The following GPR155 variants were observed in gnomAD, a reference collection of about 807,000 sequenced individuals.
The protein encoded by GPR155 is lysosomal cholesterol signaling protein.
A neutral mutation model predicts 93.1 loss-of-function variants in GPR155; 65 were observed. The observed-to-expected ratio is 0.70, with a 90% confidence interval of 0.57 to 0.86. The LOEUF (loss-of-function observed/expected upper bound fraction) is 0.86. Among genes scored for constraint, GPR155 ranks in the 40% least tolerant of loss-of-function variants. The pLI, the probability that GPR155 is intolerant of heterozygous loss-of-function variation, is 0.00. For missense variants in GPR155, 838 were observed against 1,034.8 expected, an observed-to-expected ratio of 0.81 and a Z score of 2.61; for synonymous variants, 319 against 360.1, an observed-to-expected ratio of 0.89 and a Z score of 1.29.
intron 1 of GPR155, among the ~76,000 whole-genome samples, chr2:174,483,363 A>C (rs1369276003): frequency 6.6e-6 from 1 of 152,186 alleles, no homozygotes. Flanking sequence ...AATATGTCTA[A>C]AGGTGTTCAT....
intron 10 of GPR155, among the ~76,000 whole-genome samples, chr2:174,455,127 A>G (rs1687476037): frequency 6.6e-6 from 1 of 152,190 alleles, no homozygotes; most frequent in South Asian, 2.1e-4. Context: ...CCCTGATTTG[A>G]TCATTACACA....
Position 174,436,042 on chromosome 2 carries a change from C to T in GPR155, c.*74G>A. On this transcript the variant is annotated 3_prime_UTR_variant, in exon 16 of 16. Transcript: ENST00000392552. ...GAGAGGTTGCCTCTGTTAACTTGCC[C>T]AAGGTCACCCAGCTAAAAACTAATG... is the stretch of plus-strand genomic sequence containing the variant. The T allele has an allele frequency of 1.5e-6, 2 of 1,318,318 alleles. No homozygotes were observed. Among genetic ancestry groups the T allele is most frequent in the Non-Finnish European group, 2.1e-6 (2 of 939,182 alleles). The allele number at this position is 1,318,318 out of a possible 1,614,324, so 81.7% of individuals were successfully genotyped here.
rs563354518 is a variant in GPR155, at chr2:174,437,811, C to T, written c.2313-1395G>A. On this transcript the variant is annotated intron_variant, in intron 15 of 15. Transcript: ENST00000392552. ...GTTGGTCAGGCTGGTCTCGAACTCC[C>T]GACCTCAGGTGATCTGCCCACCTCA... Among the ~76,000 whole-genome samples the T allele has an allele frequency of 2.5e-4, 38 of 151,260 alleles. No individual in the cohort carries two copies. In the East Asian group the frequency reaches 3.4e-3, roughly 13 times the overall value.
Position 174,433,160 on chromosome 2 carries a change from CACTT to C in GPR155, c.*2952_*2955del, listed in dbSNP as rs1686685741. On this transcript the variant is annotated 3_prime_UTR_variant, in exon 16 of 16. Coordinates refer to ENST00000392552, the MANE Select transcript of GPR155 (RefSeq NM_152529.7). ...TTATAAATAACTTTTTTACATGAGA[CACTT>C]AAAGTATAATTAAATAAATATCTGA... 1 of 152,108 alleles carries C rather than the reference CACTT, an allele frequency of 6.6e-6. No homozygotes were observed. The highest frequency in any genetic ancestry group is 6.5e-5 in the Admixed American group (1 of 15,270). The allele number at this position is 152,108 out of a possible 1,614,324, so 9.4% of individuals were successfully genotyped here. A position where few individuals can be genotyped will look rare whatever the true frequency, so the allele number is the denominator to read the frequency against.
chr2:174,440,867 C>A (rs979800519), intron 14 of GPR155, among the ~76,000 whole-genome samples: 1 of 152,094 alleles, frequency 6.6e-6, no homozygotes, highest in African/African-American at 2.4e-5. Context: ...GATAAAAAAA[C>A]CAACAATTTA....
At chr2:174,447,398 T>TTTA (rs1346075719) in intron 11 of GPR155, among the ~76,000 whole-genome samples, 1 of 146,590 alleles carries the variant, frequency 6.8e-6, no homozygotes, top group African/African-American at 2.5e-5. Context: ...ATATATAATT[T>TTTA]TTATTTTATA....
rs373610456 is a variant in GPR155 at position 174,459,933 on chromosome 2, C to G, written c.1716G>C (p.Glu572Asp). 1 of 1,614,104 alleles carries G rather than the reference C, an allele frequency of 6.2e-7. No homozygotes were observed. Among genetic ancestry groups the G allele is most frequent in the Non-Finnish European group, 8.5e-7 (1 of 1,179,972 alleles). Residue 572 changes from glutamate to aspartate, a missense_variant, in exon 10 of 16, where the codon GAG becomes GAC. Coordinates refer to ENST00000392552, the MANE Select transcript of GPR155 (RefSeq NM_152529.7). ...CTGGTTCATTTACTGGTGCTGGACT[C>G]TCCTCAAAAGCAGTATTTCCAGGCT... ...VVEPGNTAFE[E>D]SPAPVNEPEL... is the part of the protein sequence containing the mutation.
At chr2:174,455,979 T>C (rs908007517) in intron 10 of GPR155, among the ~76,000 whole-genome samples, 1 of 152,132 alleles carries the variant, frequency 6.6e-6, no homozygotes, top group Non-Finnish European at 1.5e-5. Flanking sequence ...TAGCTGGGTC[T>C]ACAGGCGTCT....
chr2:174,453,873 G>T, intron 10 of GPR155, 32 bp from the exon 11 acceptor site: 6 of 1,395,190 alleles, frequency 4.3e-6, no homozygotes, highest in Non-Finnish European at 5.1e-6. Flanking sequence ...TGAGAGTAGA[G>T]CCCAACCACA....
In GPR155 at chr2:174,469,163, A is replaced by G. The variant is rs1687923159; in HGVS notation, c.1027-96T>C. ...GGCACACTAAAGCATTCTAAAATAA[A>G]AATGAGACACAGTAAAGACATTATA... On this transcript the variant is annotated intron_variant, in intron 4 of 15. Transcript: ENST00000392552. 4.0e-6 allele frequency: 4 copies of G among 1,007,482 alleles called. No individual in the cohort carries two copies. In the South Asian group the frequency reaches 6.1e-5, roughly 15 times the overall value. 62.4% of individuals were successfully genotyped at this position (1,007,482 alleles called of 1,614,324 possible).
intron 11 of GPR155, among the ~76,000 whole-genome samples, chr2:174,447,433 C>A (rs62175264): frequency 0.23 from 33,338 of 143,276 alleles, 5,242 homozygotes; most frequent in East Asian, 0.68. Flanking sequence ...ATAATATATA[C>A]ACATTACATA....
At position 174,481,611 on chromosome 2, in the gene GPR155, T is replaced by C; in HGVS notation, c.346A>G (p.Ile116Val). 9 of 1,613,474 alleles carry C rather than the reference T, an allele frequency of 5.6e-6. No individual in the cohort carries two copies. The highest frequency in any genetic ancestry group is 7.6e-6 in the Non-Finnish European group (9 of 1,179,540). ...ILIAKASVFF[I>V]VCVLTLLVAS... The stretch of plus-strand genomic sequence containing the variant: ...ACCAATAAGGTTAATACACATACAA[T>C]GAAAAATACAGAAGCTTTGGCAATT... Residue 116 changes from isoleucine to valine, a missense_variant, in exon 2 of 16, where the codon ATT becomes GTT. Around this residue, in one of 3 missense-constraint regions of GPR155, gnomAD observed 663 missense variants for 790.1 expected, o/e 0.84. Coordinates refer to ENST00000392552, the MANE Select transcript of GPR155 (RefSeq NM_152529.7).
intron 14 of GPR155, among the ~76,000 whole-genome samples, chr2:174,441,397 TTAAAA>T (rs1686954374): frequency 6.6e-6 from 1 of 151,392 alleles, no homozygotes; most frequent in African/African-American, 2.4e-5. Flanking sequence ...ACCAATCAAA[TTAAAA>T]TATATATATA....
rs1384984101 is a variant in GPR155, at chr2:174,432,110, T to C, written c.*4006A>G. ...GAATGCGTAATTGGGAAACCCTGTT[T>C]GCAGAGCCCAGAGTCATGAAGAACA... On this transcript the variant is annotated 3_prime_UTR_variant, in exon 16 of 16. Coordinates refer to ENST00000392552, the MANE Select transcript of GPR155 (RefSeq NM_152529.7). 6.6e-6 allele frequency: 1 copy of C among 152,474 alleles called. No individual in the cohort carries two copies. The highest frequency in any genetic ancestry group is 1.5e-5 in the Non-Finnish European group (1 of 68,030). The allele number at this position is 152,474 out of a possible 1,614,324, so 9.4% of individuals were successfully genotyped here.
In GPR155 at chr2:174,470,518, G is replaced by T; in HGVS notation, c.898C>A (p.Leu300Ile). 6.2e-7 allele frequency: 1 copy of T among 1,613,850 alleles called. No individual in the cohort carries two copies. Among genetic ancestry groups the T allele is most frequent in the Non-Finnish European group, 8.5e-7 (1 of 1,179,960 alleles). Residue 300 changes from leucine to isoleucine, a missense_variant, in exon 4 of 16, where the codon CTC becomes ATC. By Grantham distance (5) the Leu-to-Ile change is conservative. Around this residue, in one of 3 missense-constraint regions of GPR155, gnomAD observed 663 missense variants for 790.1 expected, o/e 0.84. Transcript: ENST00000392552. ...LPLLCREMVELLDKGDSVVNH... is the reference protein window; with the variant it reads ...LPLLCREMVEILDKGDSVVNH... Reference sequence around the variant, plus strand: ...ACCACACTGTCGCCCTTGTCCAAGAGTTCCACCATTTCTCTGCACAGAAGT... The same window carrying T: ...ACCACACTGTCGCCCTTGTCCAAGATTTCCACCATTTCTCTGCACAGAAGT...
At chr2:174,442,328 G>C in intron 13 of GPR155, 145 bp from the exon 14 acceptor site, 1 of 579,396 alleles carries the variant, frequency 1.7e-6, no homozygotes, top group East Asian at 2.9e-5. Context: ...ACACAAAGTA[G>C]GCCCTTCAAA....
At chr2:174,454,556 G>A (rs1388302231) in intron 10 of GPR155, among the ~76,000 whole-genome samples, 1 of 151,904 alleles carries the variant, frequency 6.6e-6, no homozygotes, top group African/African-American at 2.4e-5. Flanking sequence ...TTGGGAGGAT[G>A]AGGTGGGAGG....
At chr2:174,454,549 G>A (rs113066391) in intron 10 of GPR155, among the ~76,000 whole-genome samples, 10,755 of 151,884 alleles carry the variant, frequency 0.071, 1,224 homozygotes, top group African/African-American at 0.24. Flanking sequence ...CAGCTTCTTG[G>A]GAGGATGAGG....
chr2:174,446,781 G>T, intron 11 of GPR155, 34 bp from the exon 12 acceptor site: 1 of 1,601,892 alleles, frequency 6.2e-7, no homozygotes, highest in Non-Finnish European at 8.5e-7. Flanking sequence ...TTTGTAATCA[G>T]AGCTTTTTAT....
Sources: gnomAD v4.1 joint callset for allele counts (sites outside exome capture counted in the v4.1 genomes callset) on GRCh38, gnomAD v4.1.1 for gene constraint, gnomAD v4.1.1 regional missense constraint, MANE v1.5 for transcripts, NCBI Gene and HGNC (gene_info 2026-07-23, HGNC 2026-07-21) for gene names.